Variants in SMARCB1 observed in about 807,000 individuals in gnomAD.
SMARCB1 encodes SWI/SNF-related matrix-associated actin-dependent regulator of chromatin subfamily B member 1.
In SMARCB1, 5 loss-of-function variants were observed where a neutral mutation model predicts 49.0. The ratio of observed to expected loss-of-function variants is 0.10; its 90% CI spans 0.05 to 0.21. SMARCB1 has a LOEUF of 0.21. SMARCB1 is among the 10% of genes least tolerant of loss of function. The pLI is 1.00. For missense variants in SMARCB1, 226 were observed against 509.2 expected (o/e 0.44, Z 5.35); for synonymous variants, 201 against 200.1 (o/e 1.00, Z -0.04).
At chr22:23,819,832 T>C (rs9612461) in intron 6 of SMARCB1, among the ~76,000 whole-genome samples, 18,703 of 151,620 alleles carry the variant, frequency 0.12, 1,242 homozygotes, top group South Asian at 0.27. Context: ...GTTTTTCTTT[T>C]CTTTTCTTTT....
intron 6 of SMARCB1, among the ~76,000 whole-genome samples, chr22:23,818,847 T>C (rs1173585310): frequency 6.6e-6 from 1 of 152,202 alleles, no homozygotes; most frequent in Admixed American, 6.5e-5. Context: ...CTTTTTAAAA[T>C]GTATTTATTT....
At chr22:23,801,338 G>A (rs749875400) in intron 4 of SMARCB1, 74 of 700,144 alleles carry the variant, frequency 1.1e-4, no homozygotes, top group Non-Finnish European at 1.3e-4. Context: ...TACTCAGGGC[G>A]CGGTCCTTGG....
At chr22:23,827,759 C>T (rs1367033283) in intron 7 of SMARCB1, among the ~76,000 whole-genome samples, 1 of 152,162 alleles carries the variant, frequency 6.6e-6, no homozygotes, top group Non-Finnish European at 1.5e-5. Flanking sequence ...TCCCAGTCCC[C>T]ACACTGGAAG....
chr22:23,823,994 C>G (rs2030241907), intron 6 of SMARCB1: 1 of 152,240 alleles, frequency 6.6e-6, no homozygotes, highest in Non-Finnish European at 1.5e-5. Context: ...AGAGTGACAT[C>G]CTGTCTCCAA....
In SMARCB1 at chr22:23,789,748, G is replaced by A. The variant is rs34933071; in HGVS notation, c.94-2008G>A. 8.0e-3 allele frequency among the ~76,000 whole-genome samples: 1,217 copies of A among 152,238 alleles called. 13 individuals carry two copies. The highest frequency in any genetic ancestry group is 0.026 in the African/African-American group (1,091 of 41,532). ...GGCCTGACTTAATCATCAGACCTTC[G>A]GAGTTTAGGGAAGAGTTCAAGGTCA... On this transcript the variant is annotated intron_variant, in intron 1 of 8. Transcript: ENST00000644036.
At chr22:23,813,783 T>C (rs1601418380) in intron 5 of SMARCB1, among the ~76,000 whole-genome samples, 1 of 152,152 alleles carries the variant, frequency 6.6e-6, no homozygotes, top group African/African-American at 2.4e-5. Flanking sequence ...CTAAGATTTA[T>C]ATGGAAAGGC....
chr22:23,827,446 G>C (rs1177606586), intron 7 of SMARCB1, among the ~76,000 whole-genome samples: 1 of 152,212 alleles, frequency 6.6e-6, no homozygotes, highest in Admixed American at 6.5e-5. Flanking sequence ...CAGACCCCCT[G>C]GGGAGTCCCT....
intron 6 of SMARCB1, among the ~76,000 whole-genome samples, chr22:23,819,778 G>A (rs1368591604): frequency 6.8e-6 from 1 of 146,832 alleles, no homozygotes; most frequent in East Asian, 2.0e-4. Flanking sequence ...TACCAGCAAG[G>A]CGCAGGGGTT....
Position 23,835,030 on chromosome 22 carries a change from G to T in SMARCB1, c.*850G>T. On this transcript the variant is annotated 3_prime_UTR_variant, in exon 9 of 9. Coordinates refer to ENST00000644036, the MANE Select transcript of SMARCB1 (RefSeq NM_003073.5). The stretch of plus-strand genomic sequence containing the variant: ...TCCAGTGGCACCCATAGCCAGGTCA[G>T]CTGGGGCCCTTTCCCACCCCAGCAG... 1 of 1,416,356 alleles carries T rather than the reference G, an allele frequency of 7.1e-7. No individual in the cohort carries two copies. The highest frequency in any genetic ancestry group is 1.5e-5 in the South Asian group (1 of 65,538). 87.7% of individuals were successfully genotyped at this position (1,416,356 alleles called of 1,614,324 possible).
intron 1 of SMARCB1, among the ~76,000 whole-genome samples, chr22:23,789,214 A>G (rs891970560): frequency 6.6e-6 from 1 of 152,236 alleles, no homozygotes; most frequent in Admixed American, 6.5e-5. Flanking sequence ...CACTTAAATT[A>G]CAACTGTTCA....
rs1289161415 is a variant in SMARCB1, at chr22:23,834,186, C to T, written c.*6C>T. On this transcript the variant is annotated 3_prime_UTR_variant, in exon 9 of 9. Coordinates refer to ENST00000644036, the MANE Select transcript of SMARCB1 (RefSeq NM_003073.5). Reference sequence around the variant, plus strand: ...ACACGGCCCCGGCCTGGTAACCAGCCCATCAGCACACGGCTCCCACGGAGC... The same window carrying T: ...ACACGGCCCCGGCCTGGTAACCAGCTCATCAGCACACGGCTCCCACGGAGC... 1.9e-6 allele frequency: 3 copies of T among 1,587,332 alleles called. No homozygotes were observed. The highest frequency in any genetic ancestry group is 1.7e-5 in the Admixed American group (1 of 57,216).
intron 7 of SMARCB1, among the ~76,000 whole-genome samples, chr22:23,831,353 C>G (rs1387955743): frequency 6.6e-6 from 1 of 152,258 alleles, no homozygotes; most frequent in African/African-American, 2.4e-5. Context: ...CTCTGTCCCT[C>G]AGACGTGAGC....
At chr22:23,831,324 C>T (rs1033591204) in intron 7 of SMARCB1, among the ~76,000 whole-genome samples, 19 of 152,196 alleles carry the variant, frequency 1.2e-4, no homozygotes, top group African/African-American at 4.1e-4. Context: ...GATACTCGAC[C>T]GGCATCAGTC....
At chr22:23,791,636 T>C (rs1480826420) in intron 1 of SMARCB1, 120 bp from the exon 2 acceptor site, 2 of 929,234 alleles carry the variant, frequency 2.2e-6, no homozygotes, top group Non-Finnish European at 3.5e-6. Context: ...GCCGAAAGCG[T>C]GGCGCCTGGG....
intron 3 of SMARCB1, among the ~76,000 whole-genome samples, chr22:23,796,348 A>G (rs1928745718): frequency 6.6e-6 from 1 of 151,890 alleles, no homozygotes; most frequent in Non-Finnish European, 1.5e-5. Flanking sequence ...GGTGTGACCC[A>G]TACATGGTAT....
At chr22:23,792,335 T>C in intron 2 of SMARCB1, 2 of 337,512 alleles carry the variant, frequency 5.9e-6, no homozygotes, top group Non-Finnish European at 1.2e-5. Context: ...CACTTCATCC[T>C]GGCAGCCAGT....
chr22:23,789,704 G>GA (rs1928255922), intron 1 of SMARCB1, among the ~76,000 whole-genome samples: 1 of 152,186 alleles, frequency 6.6e-6, no homozygotes, highest in African/African-American at 2.4e-5. Flanking sequence ...CTCAGTTGGA[G>GA]AGGCAGTTTG....
intron 6 of SMARCB1, among the ~76,000 whole-genome samples, chr22:23,822,291 C>G (rs1021005063): frequency 6.6e-6 from 1 of 152,184 alleles, no homozygotes; most frequent in Admixed American, 6.5e-5. Context: ...TTTGAGCCAT[C>G]AGACCCTGTG....
chr22:23,819,748 G>C (rs2029976079), intron 6 of SMARCB1, among the ~76,000 whole-genome samples: 1 of 51,072 alleles, frequency 2.0e-5, no homozygotes, highest in Non-Finnish European at 4.4e-5. Flanking sequence ...CTTTCTCGGT[G>C]GCTGCACCTT....
Sources: gnomAD v4.1 joint callset for allele counts (sites outside exome capture counted in the v4.1 genomes callset) on GRCh38, gnomAD v4.1.1 for gene constraint, MANE v1.5 for transcripts, NCBI Gene and HGNC (gene_info 2026-07-23, HGNC 2026-07-21) for gene names.